Variants in FAAP20 observed in about 807,000 individuals in gnomAD.
FAAP20 encodes FA core complex associated protein 20.
FAAP20 carries 12 observed loss-of-function variants against 16.2 expected under a neutral mutation model. That is an observed-to-expected ratio of 0.74 (90% CI 0.48 to 1.20). The LOEUF (loss-of-function observed/expected upper bound fraction) is 1.20. Among genes scored for constraint, FAAP20 ranks in the 50% most tolerant of loss-of-function variants. FAAP20 has a pLI of 0.00. For synonymous variants in FAAP20, 141 were observed against 110.7 expected, an observed-to-expected ratio of 1.27 and a Z score of -1.72; for missense variants, 288 against 245.8, an observed-to-expected ratio of 1.17 and a Z score of -1.15.
chr1:2,188,736 T>G (rs573081795), downstream of FAAP20, among the ~76,000 whole-genome samples: 2 of 152,314 alleles, frequency 1.3e-5, no homozygotes, highest in South Asian at 4.1e-4. Context: ...TGGAGCGCGG[T>G]GGCTCACGCC....
At chr1:2,205,983 A>G (rs947136902) in intron 3 of FAAP20, among the ~76,000 whole-genome samples, 1 of 152,254 alleles carries the variant, frequency 6.6e-6, no homozygotes, top group Non-Finnish European at 1.5e-5. Context: ...ATGGGGACCC[A>G]GGGCTCGGCC....
At chr1:2,190,869 C>T (rs151093127) in intron 3 of FAAP20, 12 of 180,390 alleles carry the variant, frequency 6.7e-5, no homozygotes, top group South Asian at 4.2e-4. Flanking sequence ...GTCCACGGCG[C>T]GCCGTTTTAC....
At chr1:2,191,284 C>T (rs115906375) in intron 3 of FAAP20, 3 of 152,354 alleles carry the variant, frequency 2.0e-5, no homozygotes, top group East Asian at 1.9e-4. Context: ...CTGTCCGTGA[C>T]GCTTCTGCTC....
At chr1:2,208,871 G>T (rs1337585065), downstream of FAAP20, among the ~76,000 whole-genome samples, 1 of 152,226 alleles carries the variant, frequency 6.6e-6, no homozygotes, top group Admixed American at 6.5e-5. Context: ...CATCTGTTTT[G>T]AATCGATTCC....
At chr1:2,187,982 C>T (rs1033166413), downstream of FAAP20, among the ~76,000 whole-genome samples, 1 of 152,204 alleles carries the variant, frequency 6.6e-6, no homozygotes, top group Non-Finnish European at 1.5e-5. Flanking sequence ...CCAGAACCCC[C>T]TAGGGTTGGA....
rs889879752 is a variant in FAAP20, at chr1:2,190,650, G to A, written c.471-869C>T. On this transcript the variant is annotated intron_variant, in intron 3 of 3. Transcript: ENST00000378546. ...GCAGAGCTGCCGGGGACGATGTCCC[G>A]GGGCTGAGTGGGCGGCTTCAGCCTA... 5.5e-5 allele frequency: 19 copies of A among 344,840 alleles called. 1 individual carries two copies. Among genetic ancestry groups the A allele is most frequent in the African/African-American group, 1.1e-4 (5 of 46,710 alleles). 21.4% of individuals were successfully genotyped at this position (344,840 alleles called of 1,614,324 possible). A position where few individuals can be genotyped will look rare whatever the true frequency, so the allele number is the denominator to read the frequency against.
chr1:2,189,437 G>C, downstream of FAAP20: 1 of 533,854 alleles, frequency 1.9e-6, no homozygotes, highest in Non-Finnish European at 3.4e-6. Flanking sequence ...TGTCCACAGT[G>C]GGGGCGCCAG....
rs940508185 is a variant in FAAP20, at chr1:2,189,832, G to T, written c.471-51C>A. 1.7e-5 allele frequency: 24 copies of T among 1,403,894 alleles called. No homozygotes were observed. In the East Asian group the frequency reaches 5.3e-4, roughly 31 times the overall value. The allele number at this position is 1,403,894 out of a possible 1,614,324, so 87.0% of individuals were successfully genotyped here. Reference sequence around the variant, plus strand: ...CGGCCACCTCCGCGGCATGCTGGCCGCAGAGAGCACCGTCTGGACCTCCGG... The same window carrying T: ...CGGCCACCTCCGCGGCATGCTGGCCTCAGAGAGCACCGTCTGGACCTCCGG... On this transcript the variant is annotated intron_variant, in intron 3 of 3. Transcript: ENST00000378546.
chr1:2,198,955 T>G, upstream of FAAP20: 2 of 1,289,408 alleles, frequency 1.6e-6, no homozygotes, highest in Non-Finnish European at 2.0e-6. Context: ...GCCAGATCTT[T>G]GGGGCAGCAG....
At chr1:2,199,338 G>T, upstream of FAAP20, 1 of 1,033,466 alleles carries the variant, frequency 9.7e-7, no homozygotes, top group Non-Finnish European at 1.2e-6. The surrounding 1 kb of genome is among the most constrained non-coding windows in gnomAD (Gnocchi z 4.5). Flanking sequence ...CCCAGGGGCG[G>T]GCTTTTATCA....
At chr1:2,197,366 G>A (rs1205543136), upstream of FAAP20, among the ~76,000 whole-genome samples, 2 of 151,370 alleles carry the variant, frequency 1.3e-5, no homozygotes, top group African/African-American at 2.4e-5. Flanking sequence ...GAAGCAGGGC[G>A]GGGTCTCAAG....
chr1:2,194,928 T>C (rs1430349191), upstream of FAAP20, among the ~76,000 whole-genome samples: 3 of 150,910 alleles, frequency 2.0e-5, no homozygotes, highest in East Asian at 6.0e-4. Flanking sequence ...TCCTTCGTCC[T>C]GCACCGCACA....
At chr1:2,205,989 C>T (rs761286660) in intron 3 of FAAP20, among the ~76,000 whole-genome samples, 4 of 152,268 alleles carry the variant, frequency 2.6e-5, no homozygotes, top group Admixed American at 6.5e-5. Context: ...ACCCAGGGCT[C>T]GGCCTGCAGG....
At chr1:2,189,833 C>G (rs1165901789) in intron 3 of FAAP20, 52 bp from the exon 4 acceptor site, 1 of 1,389,508 alleles carries the variant, frequency 7.2e-7, no homozygotes, top group Non-Finnish European at 1.0e-6. Flanking sequence ...ATGCTGGCCG[C>G]AGAGAGCACC....
downstream of FAAP20, chr1:2,185,434 C>T: frequency 1.4e-6 from 1 of 718,746 alleles, no homozygotes; most frequent in South Asian, 1.5e-5. Flanking sequence ...GGCGCCTGCC[C>T]CACATCTCAG....
upstream of FAAP20, among the ~76,000 whole-genome samples, chr1:2,195,261 T>C (rs200318971): frequency 2.2e-4 from 34 of 152,042 alleles, no homozygotes; most frequent in East Asian, 5.6e-3. Flanking sequence ...TCCAGGTGGC[T>C]CACTTGGGCC....
upstream of FAAP20, chr1:2,200,948 A>G: frequency 8.4e-7 from 1 of 1,194,038 alleles, no homozygotes; most frequent in African/African-American, 1.6e-5. Flanking sequence ...CTTTGTCCCC[A>G]GTTCAGCACG....
chr1:2,187,899 T>TCTG (rs1476433183), downstream of FAAP20, among the ~76,000 whole-genome samples: 3 of 152,106 alleles, frequency 2.0e-5, no homozygotes, highest in African/African-American at 7.3e-5. Context: ...CCCGGAGACC[T>TCTG]CCTGTGCTCC....
downstream of FAAP20, among the ~76,000 whole-genome samples, chr1:2,188,981 G>A (rs1483499661): frequency 1.3e-5 from 2 of 150,036 alleles, no homozygotes; most frequent in African/African-American, 2.5e-5. Flanking sequence ...CTCCAGCCTG[G>A]GCGACAGAGC....
Sources: gnomAD v4.1 joint callset for allele counts (sites outside exome capture counted in the v4.1 genomes callset) on GRCh38, gnomAD v4.1.1 for gene constraint, Gnocchi (gnomAD v3.1) non-coding constraint, MANE v1.5 for transcripts, NCBI Gene and HGNC (gene_info 2026-07-23, HGNC 2026-07-21) for gene names.